FSTL4: variants seen among roughly 807,000 people sequenced by gnomAD.
The protein encoded by FSTL4 is follistatin like 4.
Under a neutral mutation model 78.2 loss-of-function variants are expected in FSTL4, and 28 were observed. The ratio of observed to expected loss-of-function variants is 0.36; its 90% confidence interval spans 0.27 to 0.49. FSTL4 has a LOEUF of 0.49. Ranked by LOEUF, FSTL4 falls within the 20% of genes least tolerant of loss-of-function variation. FSTL4 has a pLI of 0.98. For synonymous variants in FSTL4, 422 were observed against 440.5 expected (o/e 0.96, Z 0.53); for missense variants, 922 against 1,084.9 (o/e 0.85, Z 2.11).
At chr5:133,222,661 C>T (rs1444130740) in intron 11 of FSTL4, among the ~76,000 whole-genome samples, 2 of 152,180 alleles carry the variant, frequency 1.3e-5, no homozygotes, top group African/African-American at 2.4e-5. Context: ...CACAGTCGGC[C>T]CTGGAATATG....
At chr5:133,272,096 G>T (rs1027946419) in intron 6 of FSTL4, among the ~76,000 whole-genome samples, 1 of 152,210 alleles carries the variant, frequency 6.6e-6, no homozygotes, top group Non-Finnish European at 1.5e-5. Flanking sequence ...GAGGTGAGTG[G>T]CTTAATGGGA....
chr5:133,379,754 A>C (rs1755520313), intron 4 of FSTL4, among the ~76,000 whole-genome samples: 1 of 152,344 alleles, frequency 6.6e-6, no homozygotes, highest in Non-Finnish European at 1.5e-5. Context: ...GTGCTTAGAG[A>C]GAAACTTGTA....
intron 6 of FSTL4, among the ~76,000 whole-genome samples, chr5:133,298,038 A>G (rs1221195586): frequency 3.3e-5 from 5 of 152,236 alleles, no homozygotes; most frequent in Non-Finnish European, 5.9e-5. Flanking sequence ...ATAGCTTAGT[A>G]GGTAAGAACA....
At chr5:133,657,772 T>G in the FSTL4 span, among the ~76,000 whole-genome samples, 4 of 109,156 alleles carry the variant, frequency 3.7e-5, no homozygotes, top group African/African-American at 8.2e-5. Flanking sequence ...TTTTGTTTTT[T>G]TTGTTTTTTT....
chr5:133,205,412 G>A (rs553019345), intron 14 of FSTL4, among the ~76,000 whole-genome samples: 1 of 150,836 alleles, frequency 6.6e-6, no homozygotes, highest in East Asian at 1.9e-4. Flanking sequence ...TGTGTGTAGT[G>A]TTTGTTTATA....
intron 3 of FSTL4, among the ~76,000 whole-genome samples, chr5:133,431,921 G>A (rs748746245): frequency 6.6e-5 from 10 of 152,078 alleles, no homozygotes; most frequent in Non-Finnish European, 1.0e-4. Context: ...TTAAGTGCAA[G>A]ATACATTGGA....
intron 3 of FSTL4, among the ~76,000 whole-genome samples, chr5:133,503,060 T>A (rs1000575710): frequency 4.6e-5 from 7 of 152,228 alleles, no homozygotes; most frequent in African/African-American, 1.4e-4. Context: ...ATACAGAGAC[T>A]GAGGAGGTTC....
intron 3 of FSTL4, among the ~76,000 whole-genome samples, chr5:133,551,157 C>T (rs935597799): frequency 1.2e-4 from 18 of 152,172 alleles, no homozygotes; most frequent in East Asian, 1.9e-4. Flanking sequence ...CTAAAGACAA[C>T]GGGCGAGCCA....
chr5:133,686,498 T>A, the FSTL4 span, among the ~76,000 whole-genome samples: 1 of 152,224 alleles, frequency 6.6e-6, no homozygotes, highest in Non-Finnish European at 1.5e-5. Flanking sequence ...TTATTCAGTG[T>A]CAGAATTAAT....
At chr5:133,294,109 G>A (rs1753331241) in intron 6 of FSTL4, among the ~76,000 whole-genome samples, 1 of 152,084 alleles carries the variant, frequency 6.6e-6, no homozygotes, top group African/African-American at 2.4e-5. Context: ...GCATTATTTT[G>A]CTTAGCTGTG....
rs535753050 is a variant in FSTL4, at chr5:133,343,971, C to A, written c.410-27319G>T. Among the ~76,000 whole-genome samples the A allele has an allele frequency of 6.6e-5, 10 of 152,282 alleles. No individual in the cohort carries two copies. The South Asian group carries it at 2.1e-3, about 32-fold the overall frequency. On this transcript the variant is annotated intron_variant, in intron 4 of 15. Coordinates refer to ENST00000265342, the MANE Select transcript of FSTL4 (RefSeq NM_015082.2). Reference sequence around the variant, plus strand: ...TTCCAGATATATACACACATATTGGCATTTTCATTACATAAATACATTGAT... The same window carrying A: ...TTCCAGATATATACACACATATTGGAATTTTCATTACATAAATACATTGAT...
chr5:133,623,112 C>G, the FSTL4 span, among the ~76,000 whole-genome samples: 2 of 151,268 alleles, frequency 1.3e-5, no homozygotes, highest in Non-Finnish European at 3.0e-5. Flanking sequence ...CTACAAATGT[C>G]CAGCACCATT....
intron 3 of FSTL4, among the ~76,000 whole-genome samples, chr5:133,539,481 C>A (rs1759423855): frequency 6.6e-6 from 1 of 152,118 alleles, no homozygotes; most frequent in African/African-American, 2.4e-5. Flanking sequence ...ACTCCACAGG[C>A]CCATGCATAA....
intron 6 of FSTL4, among the ~76,000 whole-genome samples, chr5:133,300,310 G>C (rs956761477): frequency 2.0e-5 from 3 of 152,238 alleles, no homozygotes; most frequent in Non-Finnish European, 2.9e-5. Context: ...CCAGGTGTCA[G>C]GGGTGGCAGG....
chr5:133,375,679 C>T (rs910968506), intron 4 of FSTL4, among the ~76,000 whole-genome samples: 3 of 152,128 alleles, frequency 2.0e-5, no homozygotes, highest in Admixed American at 6.5e-5. Flanking sequence ...CTCTCACTCC[C>T]GTTGGGTATA....
upstream of FSTL4, among the ~76,000 whole-genome samples, chr5:133,616,354 T>TATCTATC: frequency 6.6e-6 from 1 of 152,022 alleles, no homozygotes; most frequent in African/African-American, 2.4e-5. Context: ...TCTATCTATC[T>TATCTATC]AATTTTAAAG....
intron 3 of FSTL4, among the ~76,000 whole-genome samples, chr5:133,537,023 C>T (rs1433964558): frequency 1.3e-5 from 2 of 152,168 alleles, no homozygotes; most frequent in Non-Finnish European, 2.9e-5. Flanking sequence ...ACGGCATTTT[C>T]AGCTGTATTA....
At chr5:133,240,685 C>CGCGCATGACTCATCTCTTT (rs1561638234) in intron 7 of FSTL4, among the ~76,000 whole-genome samples, 2 of 152,072 alleles carry the variant, frequency 1.3e-5, no homozygotes, top group Non-Finnish European at 1.5e-5. Context: ...CTCATCTCTT[C>CGCGCATGACTCATCTCTTT]GCGCATGACT....
chr5:133,604,084 A>G, intron 1 of FSTL4, 91 bp from the exon 2 acceptor site: 2 of 937,488 alleles, frequency 2.1e-6, no homozygotes, highest in Non-Finnish European at 3.4e-6. Context: ...CCAGAATCAG[A>G]TAAGCCTGGG....
Sources: gnomAD v4.1 joint callset for allele counts (sites outside exome capture counted in the v4.1 genomes callset) on GRCh38, gnomAD v4.1.1 for gene constraint, MANE v1.5 for transcripts, NCBI Gene and HGNC (gene_info 2026-07-23, HGNC 2026-07-21) for gene names.